The following ARPP21 variants were observed in gnomAD, a reference collection of about 807,000 sequenced individuals.
The protein encoded by ARPP21 is cAMP-regulated phosphoprotein 21.
A neutral mutation model predicts 113.2 loss-of-function variants in ARPP21; 69 were observed. The observed-to-expected ratio is 0.61, with a 90% CI of 0.50 to 0.74. The LOEUF (loss-of-function observed/expected upper bound fraction) is 0.74, where lower values mean the gene tolerates loss of function less well. Ranked by LOEUF, ARPP21 falls within the 30% of genes least tolerant of loss-of-function variation. The pLI, the probability that ARPP21 is intolerant of heterozygous loss-of-function variation, is 0.00. For synonymous variants in ARPP21, 368 were observed against 375.5 expected (o/e 0.98, Z 0.23); for missense variants, 1,070 against 1,037.4 (o/e 1.03, Z -0.43).
intron 13 of ARPP21, 65 bp from the exon 14 acceptor site, chr3:35,721,540 C>A: frequency 2.2e-6 from 2 of 921,202 alleles, no homozygotes; most frequent in South Asian, 1.5e-5. Flanking sequence ...TTGCTCTGTG[C>A]CTACCAACAC....
chr3:35,685,443 C>G, intron 5 of ARPP21: 1 of 985,056 alleles, frequency 1.0e-6, no homozygotes, highest in Non-Finnish European at 1.2e-6. Context: ...GCCGTGCTAC[C>G]TTTTTAGAGA....
chr3:35,641,263 A>T (rs1697979530), intron 1 of ARPP21, among the ~76,000 whole-genome samples: 1 of 152,122 alleles, frequency 6.6e-6, no homozygotes, highest in Non-Finnish European at 1.5e-5. Context: ...AACAAGAAGG[A>T]CATTCCCCAA....
chr3:35,748,015 G>C (rs1296312829), intron 19 of ARPP21, among the ~76,000 whole-genome samples: 2 of 138,722 alleles, frequency 1.4e-5, no homozygotes, highest in Non-Finnish European at 1.5e-5. Flanking sequence ...GGAAGGAAAA[G>C]AAAGAAAGAC....
Position 35,792,404 on chromosome 3 carries a change from T to A in ARPP21, c.2160T>A (p.Gly720=), listed in dbSNP as rs750442431. 6.2e-7 allele frequency: 1 copy of A among 1,613,916 alleles called. No homozygotes were observed. The highest frequency in any genetic ancestry group is 1.3e-5 in the African/African-American group (1 of 74,926). Reference sequence around the variant, plus strand: ...CAGGTTACCAGCCAGTCTTGTCTGGTCAACAGGGATTCCAAGGCCTAATAG... The same window carrying A: ...CAGGTTACCAGCCAGTCTTGTCTGGACAACAGGGATTCCAAGGCCTAATAG... The part of the protein sequence containing the change: ...QQAGYQPVLS[G]QQGFQGLIGV... The change falls in exon 20 of 21, where the codon GGT becomes GGA. Residue 720 remains glycine, a synonymous_variant. Coordinates refer to ENST00000684406, the MANE Select transcript of ARPP21 (RefSeq NM_001385562.1).
At chr3:35,665,696 C>T (rs2074185755) in intron 1 of ARPP21, among the ~76,000 whole-genome samples, 5 of 152,134 alleles carry the variant, frequency 3.3e-5, no homozygotes, top group Admixed American at 3.3e-4. Context: ...AAACCATCCT[C>T]ATTTTCAAAA....
chr3:35,688,001 C>T (rs1439713063), intron 6 of ARPP21, 118 bp downstream of exon 6: 27 of 897,154 alleles, frequency 3.0e-5, no homozygotes, highest in African/African-American at 8.7e-5. Flanking sequence ...TGATTCTATA[C>T]GTGTACGTAT....
intron 20 of ARPP21, 32 bp from the exon 21 acceptor site, chr3:35,793,669 C>T (rs1314264592): frequency 6.4e-7 from 1 of 1,570,014 alleles, no homozygotes; most frequent in Non-Finnish European, 8.8e-7. Flanking sequence ...ATAGTCTCTT[C>T]ATACAGGGTT....
At chr3:35,715,323 T>A (rs1016459726) in intron 11 of ARPP21, 116 bp from the exon 12 acceptor site, 24 of 796,128 alleles carry the variant, frequency 3.0e-5, no homozygotes, top group Non-Finnish European at 4.9e-5. Flanking sequence ...TTTGTACCTA[T>A]TTTTCTTAAT....
chr3:35,658,128 A>G, intron 1 of ARPP21, among the ~76,000 whole-genome samples: 1 of 152,130 alleles, frequency 6.6e-6, no homozygotes, highest in East Asian at 1.9e-4. Context: ...CCATGATTAT[A>G]TAGGTGAGTC....
chr3:35,695,451 T>C (rs185667598), intron 9 of ARPP21, among the ~76,000 whole-genome samples: 116 of 151,702 alleles, frequency 7.6e-4, no homozygotes, highest in Admixed American at 1.7e-3. Context: ...TTTTACACTA[T>C]AGTTATAGTG....
At chr3:35,714,150 T>C (rs1481865016) in intron 11 of ARPP21, among the ~76,000 whole-genome samples, 1 of 152,250 alleles carries the variant, frequency 6.6e-6, no homozygotes, top group Non-Finnish European at 1.5e-5. Flanking sequence ...TTTAATTGTC[T>C]CTCTTTGCTT....
At chr3:35,688,787 T>C (rs1211243365) in intron 6 of ARPP21, among the ~76,000 whole-genome samples, 1 of 151,666 alleles carries the variant, frequency 6.6e-6, no homozygotes, top group African/African-American at 2.4e-5. Context: ...AATTAAGCTT[T>C]GGACAGCATT....
chr3:35,721,539 G>C lies in ARPP21; in HGVS notation c.996-66G>C, dbSNP rs987374720. On this transcript the variant is annotated intron_variant, in intron 13 of 20. Coordinates refer to ENST00000684406, the MANE Select transcript of ARPP21 (RefSeq NM_001385562.1). ...CCTTCCAAGAAAAGCCTTGCTCTGT[G>C]CCTACCAACACCATGCATGTAAGGT... 11 of 913,470 alleles carry C rather than the reference G, an allele frequency of 1.2e-5. No individual in the cohort carries two copies. The African/African-American group carries it at 1.8e-4, about 15-fold the overall frequency. 56.6% of individuals were successfully genotyped at this position (913,470 alleles called of 1,614,324 possible).
At chr3:35,670,548 C>T (rs1236744531) in intron 1 of ARPP21, among the ~76,000 whole-genome samples, 1 of 152,030 alleles carries the variant, frequency 6.6e-6, no homozygotes, top group Admixed American at 6.6e-5. Context: ...CAGCCCTTCT[C>T]TTACAGATGA....
At chr3:35,735,430 C>T (rs2094287723) in intron 15 of ARPP21, among the ~76,000 whole-genome samples, 1 of 152,106 alleles carries the variant, frequency 6.6e-6, no homozygotes, top group South Asian at 2.1e-4. Flanking sequence ...CCTTTTGTTG[C>T]AAATTTTTCT....
chr3:35,707,511 G>A (rs770705123), intron 10 of ARPP21: 5 of 459,596 alleles, frequency 1.1e-5, no homozygotes, highest in Admixed American at 2.3e-5. Flanking sequence ...ATGATCAACC[G>A]GTGTAGCTGT....
At chr3:35,688,755 A>G (rs1478699930) in intron 6 of ARPP21, among the ~76,000 whole-genome samples, 2 of 151,642 alleles carry the variant, frequency 1.3e-5, no homozygotes, top group African/African-American at 4.8e-5. Context: ...AAAGAAGTTC[A>G]GGTTTCTAAA....
chr3:35,682,848 A>C lies in ARPP21; in HGVS notation c.130A>C (p.Arg44=). Residue 44 remains arginine, a splice_region_variant and synonymous_variant, in exon 4 of 21, where the codon AGG becomes CGG. Transcript: ENST00000684406. ...GTTTTATTTTCTTTCCAACATACAGAGGCGGCTGGAGGCTCAGAATCAAGA... is the reference window on the plus strand; with the variant it reads ...GTTTTATTTTCTTTCCAACATACAGCGGCGGCTGGAGGCTCAGAATCAAGA... The part of the protein sequence containing the change: ...LDEEEKLELQ[R]RLEAQNQERR... The C allele has an allele frequency of 6.2e-7, 1 of 1,608,378 alleles. No homozygotes were observed. The highest frequency in any genetic ancestry group is 8.5e-7 in the Non-Finnish European group (1 of 1,177,142).
intron 9 of ARPP21, among the ~76,000 whole-genome samples, chr3:35,706,527 A>G (rs2089141676): frequency 6.6e-6 from 1 of 152,204 alleles, no homozygotes; most frequent in Non-Finnish European, 1.5e-5. Context: ...TACACAGTCT[A>G]AAGACTCTTA....
Sources: allele counts gnomAD v4.1 joint callset (sites outside exome capture counted in the v4.1 genomes callset), GRCh38; gene constraint gnomAD v4.1.1; transcripts MANE v1.5; gene names NCBI Gene and HGNC (gene_info 2026-07-23, HGNC 2026-07-21).